Variants in RPS6KC1 observed in about 807,000 individuals in gnomAD.
RPS6KC1 encodes inactive ribosomal protein S6 kinase delta-1.
Under a neutral mutation model 103.8 loss-of-function variants are expected in RPS6KC1, and 54 were observed. The ratio of observed to expected loss-of-function variants is 0.52; its 90% CI spans 0.42 to 0.65. RPS6KC1 has a LOEUF of 0.65. RPS6KC1 is among the 30% of genes least tolerant of loss of function. RPS6KC1 has a pLI of 0.00. For missense variants in RPS6KC1, 1,151 were observed against 1,253.8 expected, an observed-to-expected ratio of 0.92 and a Z score of 1.24; for synonymous variants, 439 against 438.7, an observed-to-expected ratio of 1.00 and a Z score of -0.01.
At chr1:213,402,428 G>A in the RPS6KC1 span, among the ~76,000 whole-genome samples, 2 of 152,092 alleles carry the variant, frequency 1.3e-5, no homozygotes, top group African/African-American at 4.8e-5. Context: ...TTCCGCATTA[G>A]GCTTTGTCTA....
chr1:213,227,236 A>G (rs916692595), intron 8 of RPS6KC1, among the ~76,000 whole-genome samples: 1 of 152,252 alleles, frequency 6.6e-6, no homozygotes, highest in South Asian at 2.1e-4. Flanking sequence ...AGAATGCTCA[A>G]ATATAAATCA....
chr1:213,616,416 C>A, the RPS6KC1 span, among the ~76,000 whole-genome samples: 1 of 152,140 alleles, frequency 6.6e-6, no homozygotes, highest in Non-Finnish European at 1.5e-5. Context: ...GCGGTGGGCA[C>A]CGCTGATGCA....
At chr1:213,780,240 C>G in the RPS6KC1 span, among the ~76,000 whole-genome samples, 1 of 152,130 alleles carries the variant, frequency 6.6e-6, no homozygotes, top group Admixed American at 6.5e-5. Flanking sequence ...TGAGGCTTGA[C>G]CCCCGGGTAG....
At chr1:213,702,187 G>C in the RPS6KC1 span, among the ~76,000 whole-genome samples, 2 of 151,684 alleles carry the variant, frequency 1.3e-5, no homozygotes, top group South Asian at 2.1e-4. Context: ...GGTCAATTAG[G>C]AGCATATTGT....
At chr1:213,796,250 C>T in the RPS6KC1 span, among the ~76,000 whole-genome samples, 7 of 152,162 alleles carry the variant, frequency 4.6e-5, no homozygotes, top group East Asian at 9.6e-4. Flanking sequence ...AAGTTCACAG[C>T]GGTCCATGAC....
chr1:213,104,595 T>A, intron 4 of RPS6KC1, 26 bp downstream of exon 4: 1 of 1,234,268 alleles, frequency 8.1e-7, no homozygotes, highest in Non-Finnish European at 1.2e-6. Flanking sequence ...TGGAATATTT[T>A]ATATCTTATT....
At chr1:213,754,837 G>A in the RPS6KC1 span, among the ~76,000 whole-genome samples, 1 of 152,114 alleles carries the variant, frequency 6.6e-6, no homozygotes, top group Admixed American at 6.5e-5. Context: ...GAATTTGAGG[G>A]AACACAAACA....
chr1:213,430,103 C>T, the RPS6KC1 span, among the ~76,000 whole-genome samples: 1 of 152,158 alleles, frequency 6.6e-6, no homozygotes, highest in Non-Finnish European at 1.5e-5. Flanking sequence ...AGTCGTCTTC[C>T]ACTGGCTTAC....
the RPS6KC1 span, among the ~76,000 whole-genome samples, chr1:213,639,220 T>C: frequency 6.6e-6 from 1 of 152,144 alleles, no homozygotes; most frequent in South Asian, 2.1e-4. Flanking sequence ...TGAACTCACT[T>C]TTCTCTAGGA....
At chr1:213,172,745 T>C (rs2091572472) in intron 7 of RPS6KC1, among the ~76,000 whole-genome samples, 1 of 152,228 alleles carries the variant, frequency 6.6e-6, no homozygotes. Flanking sequence ...TTGAGTGATA[T>C]GTACTTGCCA....
At chr1:213,206,949 G>A (rs1178665194) in intron 8 of RPS6KC1, among the ~76,000 whole-genome samples, 2 of 151,890 alleles carry the variant, frequency 1.3e-5, no homozygotes, top group East Asian at 1.9e-4. Flanking sequence ...TGTCTCTACC[G>A]AAAATACAAA....
the RPS6KC1 span, among the ~76,000 whole-genome samples, chr1:213,754,210 G>A: frequency 2.6e-5 from 4 of 152,236 alleles, no homozygotes; most frequent in Non-Finnish European, 5.9e-5. Flanking sequence ...CAGCATGGTT[G>A]AGTTCTGGTG....
chr1:213,587,607 T>TA, the RPS6KC1 span, among the ~76,000 whole-genome samples: 1 of 152,182 alleles, frequency 6.6e-6, no homozygotes, highest in Non-Finnish European at 1.5e-5. Flanking sequence ...TAAATGGATT[T>TA]AAGGTAAAGC....
the RPS6KC1 span, among the ~76,000 whole-genome samples, chr1:213,720,732 A>G: frequency 1.3e-5 from 2 of 152,170 alleles, no homozygotes; most frequent in Admixed American, 6.5e-5. Context: ...TCTTCAGAAC[A>G]CTTTTGCAAA....
chr1:213,130,365 G>A (rs1229766337), intron 6 of RPS6KC1, among the ~76,000 whole-genome samples: 1 of 152,168 alleles, frequency 6.6e-6, no homozygotes, highest in African/African-American at 2.4e-5. Flanking sequence ...TGGAGGTGAT[G>A]TGGGACATGT....
At chr1:213,235,719 C>T (rs1299977006) in intron 10 of RPS6KC1, among the ~76,000 whole-genome samples, 1 of 152,070 alleles carries the variant, frequency 6.6e-6, no homozygotes, top group Non-Finnish European at 1.5e-5. Context: ...AGGAGGCAGG[C>T]AGGCAGATCC....
chr1:213,648,422 C>T, the RPS6KC1 span, among the ~76,000 whole-genome samples: 1 of 152,258 alleles, frequency 6.6e-6, no homozygotes, highest in Non-Finnish European at 1.5e-5. Flanking sequence ...TGACTCCTGG[C>T]CTCCTAATGA....
At chr1:213,761,818 A>C in the RPS6KC1 span, among the ~76,000 whole-genome samples, 13 of 152,340 alleles carry the variant, frequency 8.5e-5, no homozygotes, top group South Asian at 2.7e-3. Flanking sequence ...CCAGTGGGTG[A>C]AAAGGTGTCT....
chr1:213,677,787 C>A, the RPS6KC1 span, among the ~76,000 whole-genome samples: 40,455 of 151,948 alleles, frequency 0.27, 5,888 homozygotes, highest in East Asian at 0.43. Flanking sequence ...GTGGGTGGAT[C>A]ACGAGATCAG....
Sources: gnomAD v4.1 joint callset for allele counts (sites outside exome capture counted in the v4.1 genomes callset) on GRCh38, gnomAD v4.1.1 for gene constraint, MANE v1.5 for transcripts, NCBI Gene and HGNC (gene_info 2026-07-23, HGNC 2026-07-21) for gene names.